Variants in MAP4 observed in about 807,000 individuals in gnomAD.
The protein encoded by MAP4 is microtubule-associated protein 4.
MAP4 carries 76 observed loss-of-function variants against 170.2 expected under a neutral mutation model. That is an observed-to-expected ratio of 0.45 (90% CI 0.37 to 0.54). MAP4 has a LOEUF of 0.54. MAP4 is among the 20% of genes least tolerant of loss of function. The pLI is 0.00. For synonymous variants in MAP4, 909 were observed against 994.5 expected (o/e 0.91, Z 1.62); for missense variants, 2,506 against 2,748.0 (o/e 0.91, Z 1.97).
rs772733840 is a variant in MAP4 at position 47,877,497 on chromosome 3, G to A, written c.5461C>T (p.Pro1821Ser). ...TCATTTCCTGTCCCACTCACCACAG[G>A]CCTTCCTTCTTCTGGCCTGGCTATT... ...YGIARPEEGRPVVSGTGNDIT... is the reference protein window; with the variant it reads ...YGIARPEEGRSVVSGTGNDIT... The change falls in exon 11 of 21, where the codon CCT becomes TCT. Residue 1821 changes from proline to serine, a missense_variant. Physicochemically the swap from Pro to Ser is moderately conservative, Grantham distance 74. Coordinates refer to ENST00000683076, the MANE Select transcript of MAP4 (RefSeq NM_001385682.1). 3.1e-6 allele frequency: 5 copies of A among 1,613,892 alleles called. No homozygotes were observed. The highest frequency in any genetic ancestry group is 3.4e-6 in the Non-Finnish European group (4 of 1,179,884).
At chr3:47,900,187 A>T (rs2100029250) in intron 10 of MAP4, among the ~76,000 whole-genome samples, 1 of 152,230 alleles carries the variant, frequency 6.6e-6, no homozygotes, top group Admixed American at 6.5e-5. Flanking sequence ...TTAATAAAAG[A>T]TAAAGTTGTC....
chr3:47,955,934 G>GA (rs2100067553), intron 3 of MAP4, among the ~76,000 whole-genome samples: 1 of 152,274 alleles, frequency 6.6e-6, no homozygotes, highest in East Asian at 1.9e-4. Context: ...AAGAATAAGA[G>GA]AATCACTGCC....
At chr3:47,976,065 C>T (rs1205001604) in intron 3 of MAP4, among the ~76,000 whole-genome samples, 1 of 152,234 alleles carries the variant, frequency 6.6e-6, no homozygotes, top group Non-Finnish European at 1.5e-5. Flanking sequence ...GCTGGGATTA[C>T]AGGCGTGAGC....
At position 47,879,368 on chromosome 3, in the gene MAP4, C is replaced by A. The variant is rs1014098985; in HGVS notation, c.5435-1845G>T. Among the ~76,000 whole-genome samples the A allele has an allele frequency of 7.9e-5, 12 of 152,134 alleles. No individual in the cohort carries two copies. In the East Asian group the frequency reaches 2.3e-3, roughly 29 times the overall value. ...AATTTTTGAAAGGATTGTAATTAAA[C>A]AGAACAACGTTTTTGAGGGAAAGGA... On this transcript the variant is annotated intron_variant, in intron 10 of 20. Transcript: ENST00000683076.
At position 47,864,338 on chromosome 3, in the gene MAP4, C is replaced by T. The variant is rs576117028; in HGVS notation, c.6501+2908G>A. On this transcript the variant is annotated intron_variant, in intron 17 of 20. Coordinates refer to ENST00000683076, the MANE Select transcript of MAP4 (RefSeq NM_001385682.1). ...GGTGGATCACCTGAGGTCAGGAGTT[C>T]GAGACCAGCCTGCCCAATATAGCAA... is the stretch of plus-strand genomic sequence containing the variant. Among the ~76,000 whole-genome samples the T allele has an allele frequency of 6.6e-5, 10 of 152,054 alleles. No individual in the cohort carries two copies. The South Asian group carries it at 2.1e-3, about 32-fold the overall frequency.
At chr3:47,926,373 G>A (rs1486168636) in intron 4 of MAP4, among the ~76,000 whole-genome samples, 3 of 150,828 alleles carry the variant, frequency 2.0e-5, no homozygotes, top group Non-Finnish European at 4.4e-5. Context: ...TAGTAGAGAC[G>A]AGGTTTCACC....
At chr3:48,032,210 G>A (rs2100116524) in intron 1 of MAP4, among the ~76,000 whole-genome samples, 1 of 152,020 alleles carries the variant, frequency 6.6e-6, no homozygotes, top group Non-Finnish European at 1.5e-5. Flanking sequence ...ACAGAAAAAG[G>A]TATTTAGGTA....
At chr3:47,887,111 G>C (rs1428763719) in intron 10 of MAP4, among the ~76,000 whole-genome samples, 1 of 152,254 alleles carries the variant, frequency 6.6e-6, no homozygotes, top group Admixed American at 6.5e-5. Context: ...GGCGGCACTT[G>C]AGGGGCCCTT....
chr3:47,987,329 A>G (rs2100089336), intron 2 of MAP4: 7 of 1,301,726 alleles, frequency 5.4e-6, no homozygotes, highest in Admixed American at 4.7e-5. Flanking sequence ...CTTAATTATG[A>G]TCTTACAAGT....
rs141038755 is a variant in MAP4 at position 47,878,227 on chromosome 3, G to A, written c.5435-704C>T. 7.6e-3 allele frequency among the ~76,000 whole-genome samples: 1,150 copies of A among 152,234 alleles called. 10 individuals are homozygous for A. The highest frequency in any genetic ancestry group is 0.031 in the Middle Eastern group (9 of 294). The stretch of plus-strand genomic sequence containing the variant: ...TTTCTAACTGGCACAAAGTCAAGAG[G>A]CCACAAGAGATAAGTTTGACTAAAG... On this transcript the variant is annotated intron_variant, in intron 10 of 20. Coordinates refer to ENST00000683076, the MANE Select transcript of MAP4 (RefSeq NM_001385682.1).
intron 2 of MAP4, among the ~76,000 whole-genome samples, chr3:47,983,024 A>AGTAGCTG (rs1022943683): frequency 2.6e-5 from 4 of 152,042 alleles, no homozygotes; most frequent in African/African-American, 9.7e-5. Flanking sequence ...CAACATCCCA[A>AGTAGCTG]GTAGCTGGTA....
Position 47,852,534 on chromosome 3 carries a change from A to C in MAP4, c.*400T>G. On this transcript the variant is annotated 3_prime_UTR_variant, in exon 21 of 21. Coordinates refer to ENST00000683076, the MANE Select transcript of MAP4 (RefSeq NM_001385682.1). ...GTCAGTTTCTTTTGGGTTTGGACCAAAGAACCAAAAAAAGATGAGGATAGA... is the reference window on the plus strand; with the variant it reads ...GTCAGTTTCTTTTGGGTTTGGACCACAGAACCAAAAAAAGATGAGGATAGA... 2.0e-6 allele frequency: 1 copy of C among 499,588 alleles called. No individual in the cohort carries two copies. The highest frequency in any genetic ancestry group is 3.5e-6 in the Non-Finnish European group (1 of 285,958). The allele number at this position is 499,588 out of a possible 1,614,324, so 30.9% of individuals were successfully genotyped here.
intron 10 of MAP4, among the ~76,000 whole-genome samples, chr3:47,897,385 C>T (rs529772834): frequency 9.2e-5 from 14 of 152,090 alleles, no homozygotes; most frequent in South Asian, 2.1e-4. Flanking sequence ...ACTCGGCCTC[C>T]CCAAGTGCTG....
chr3:47,923,296 T>A (rs1262946522), intron 4 of MAP4, among the ~76,000 whole-genome samples: 1 of 151,818 alleles, frequency 6.6e-6, no homozygotes, highest in Non-Finnish European at 1.5e-5. Flanking sequence ...ATGTTCATTT[T>A]CTTGGCTCTG....
intron 1 of MAP4, among the ~76,000 whole-genome samples, chr3:48,066,863 C>T (rs1349207843): frequency 6.1e-4 from 62 of 101,806 alleles, no homozygotes; most frequent in Admixed American, 1.8e-3. Flanking sequence ...TTTTTTGAGA[C>T]GGAGTCTCGC....
intron 1 of MAP4, among the ~76,000 whole-genome samples, chr3:48,083,429 A>T (rs2100147578): frequency 6.6e-6 from 1 of 151,474 alleles, no homozygotes; most frequent in East Asian, 2.0e-4. Context: ...GCAATGGTGC[A>T]GTCTCGGCTC....
intron 17 of MAP4, 90 bp from the exon 18 acceptor site, chr3:47,857,602 AG>A: frequency 1.1e-6 from 1 of 881,606 alleles, no homozygotes; most frequent in Non-Finnish European, 1.9e-6. Context: ...CTCCATGTTC[AG>A]GGTTTCTCGC....
rs1241993430 is a variant in MAP4 at position 47,911,534 on chromosome 3, G to A, written c.2887C>T (p.Pro963Ser). The A allele has an allele frequency of 6.5e-7, 1 of 1,535,958 alleles. No individual in the cohort carries two copies. The highest frequency in any genetic ancestry group is 2.4e-5 in the East Asian group (1 of 40,908). ...DQEVMGVVSKPTAAKEIPNLV... is the reference protein window; with the variant it reads ...DQEVMGVVSKSTAAKEIPNLV... ...TTTGGTATTTCTTTTGCTGCTGTGG[G>A]TTTTGAAACTACACCCATAACCTCT... The change falls in exon 9 of 21, where the codon CCC (proline) becomes TCC (serine). Residue 963 changes from proline to serine, a missense_variant. Physicochemically the swap from Pro to Ser is moderately conservative, Grantham distance 74. This residue lies in a region of MAP4 where 2,008 missense variants were observed against 2,206.0 expected (regional missense o/e 0.91). Coordinates refer to ENST00000683076, the MANE Select transcript of MAP4 (RefSeq NM_001385682.1). This position sits in a 1 kb window ranked among gnomAD's most constrained non-coding sequence, Gnocchi z 4.0.
In MAP4 at chr3:47,916,441, C is replaced by A. The variant is rs1450563059; in HGVS notation, c.1386G>T (p.Lys462Asn). The A allele has an allele frequency of 6.2e-7, 1 of 1,614,150 alleles. No homozygotes were observed. The highest frequency in any genetic ancestry group is 8.5e-7 in the Non-Finnish European group (1 of 1,180,030). Reference protein sequence around the residue: ...LPPETNVILTKDKALPLEAEV... With the variant: ...LPPETNVILTNDKALPLEAEV... ...CTGCTTCTAAAGGTAGTGCTTTATC[C>A]TTGGTCAAGATCACGTTGGTTTCCG... Residue 462 changes from lysine to asparagine, a missense_variant, in exon 7 of 21, where the codon AAG becomes AAT. By Grantham distance (94) the Lys-to-Asn change is moderately conservative (BLOSUM62 0). This residue lies in a region of MAP4 where 2,008 missense variants were observed against 2,206.0 expected (regional missense o/e 0.91). Transcript: ENST00000683076.
Sources: allele counts gnomAD v4.1 joint callset (sites outside exome capture counted in the v4.1 genomes callset), GRCh38; gene constraint gnomAD v4.1.1; regional missense constraint gnomAD v4.1.1; non-coding constraint Gnocchi (gnomAD v3.1); transcripts MANE v1.5; gene names NCBI Gene and HGNC (gene_info 2026-07-23, HGNC 2026-07-21).